The following PKHD1 variants were observed in gnomAD, a reference collection of about 807,000 sequenced individuals.
PKHD1 encodes the protein PKHD1 ciliary IPT domain containing fibrocystin/polyductin.
A neutral mutation model predicts 412.0 loss-of-function variants in PKHD1; 291 were observed. That is an observed-to-expected ratio of 0.71 (90% CI 0.64 to 0.78). The LOEUF (loss-of-function observed/expected upper bound fraction) is 0.78, where lower values mean the gene tolerates loss of function less well. Ranked by LOEUF, PKHD1 falls within the 30% of genes least tolerant of loss-of-function variation. The pLI is 0.00. For synonymous variants in PKHD1, 1,777 were observed against 1,821.5 expected (o/e 0.98, Z 0.62); for missense variants, 4,825 against 4,950.7 (o/e 0.97, Z 0.76).
chr6:51,655,003 A>T (rs1771581597), intron 61 of PKHD1, among the ~76,000 whole-genome samples: 1 of 152,118 alleles, frequency 6.6e-6, no homozygotes, highest in Non-Finnish European at 1.5e-5. Flanking sequence ...AGAACATCTC[A>T]CTTTCCCACA....
intron 31 of PKHD1, among the ~76,000 whole-genome samples, chr6:52,027,532 C>CAAAAAAA (rs1229066296): frequency 1.2e-5 from 1 of 83,724 alleles, no homozygotes; most frequent in African/African-American, 5.5e-5. Context: ...AACTCCGTCT[C>CAAAAAAA]AAAAAAAAAA....
At chr6:51,747,548 A>T (rs1785363645) in intron 58 of PKHD1, among the ~76,000 whole-genome samples, 1 of 152,128 alleles carries the variant, frequency 6.6e-6, no homozygotes, top group African/African-American at 2.4e-5. Context: ...CATTATATTC[A>T]AATTTTTTAA....
chr6:51,631,693 G>C (rs2150299577), intron 65 of PKHD1, among the ~76,000 whole-genome samples: 1 of 152,090 alleles, frequency 6.6e-6, no homozygotes, highest in Non-Finnish European at 1.5e-5. Context: ...GCCAATGCCT[G>C]ATCTGCTCAC....
At position 52,010,290 on chromosome 6, in the gene PKHD1, A is replaced by G. The variant is rs758902510; in HGVS notation, c.5751+19T>C. The G allele has an allele frequency of 1.6e-5, 25 of 1,609,374 alleles. No individual in the cohort carries two copies. The highest frequency in any genetic ancestry group is 2.0e-5 in the Non-Finnish European group (24 of 1,175,908). ...ATTTGAGCTGTTTGAATCAGTCTGT[A>G]AAAAAGATTTGATTATACCTGAGTG... is the stretch of plus-strand genomic sequence containing the variant. On this transcript the variant is annotated intron_variant, in intron 35 of 66. Transcript: ENST00000371117.
intron 52 of PKHD1, among the ~76,000 whole-genome samples, chr6:51,826,338 G>A (rs1767317118): frequency 6.6e-6 from 1 of 152,122 alleles, no homozygotes; most frequent in South Asian, 2.1e-4. Flanking sequence ...ACAGTTCAAA[G>A]TAATATACAA....
At chr6:51,849,617 G>A (rs1771838086) in intron 49 of PKHD1, among the ~76,000 whole-genome samples, 1 of 152,116 alleles carries the variant, frequency 6.6e-6, no homozygotes, top group African/African-American at 2.4e-5. Flanking sequence ...TCTCATAGCG[G>A]TTTTGATGTG....
rs779757789 is a variant in PKHD1, at chr6:51,867,961, G to C, written c.7635C>G (p.Thr2545=). The stretch of plus-strand genomic sequence containing the variant: ...AATTGACCAAACAAGAAGCTGAAAG[G>C]GTTTCCATAGAAGCAAGAATGTGAC... ...NRSHILASME[T]LSASCLVNSS... The change falls in exon 48 of 67, where the codon ACC becomes ACG. Residue 2545 remains threonine, a synonymous_variant. Transcript: ENST00000371117. 18 of 1,613,220 alleles carry C rather than the reference G, an allele frequency of 1.1e-5. No individual in the cohort carries two copies. The highest frequency in any genetic ancestry group is 1.7e-5 in the Admixed American group (1 of 59,932).
intron 60 of PKHD1, among the ~76,000 whole-genome samples, chr6:51,662,133 A>G (rs9381995): frequency 0.13 from 19,826 of 151,946 alleles, 1,310 homozygotes; most frequent in East Asian, 0.27. Flanking sequence ...TGGGGAATGA[A>G]GTTAAAACAG....
At chr6:51,860,665 A>G (rs191302173) in intron 48 of PKHD1, among the ~76,000 whole-genome samples, 72 of 152,308 alleles carry the variant, frequency 4.7e-4, no homozygotes, top group African/African-American at 1.7e-3. Flanking sequence ...CAACCAGTCC[A>G]TTTTAAATGT....
At position 51,911,668 on chromosome 6, in the gene PKHD1, A is replaced by T. The variant is rs1009331451; in HGVS notation, c.6490+131T>A. 220 of 781,508 alleles carry T rather than the reference A, an allele frequency of 2.8e-4. No individual in the cohort carries two copies. The Admixed American group carries it at 4.1e-3, about 15-fold the overall frequency. 48.4% of individuals were successfully genotyped at this position (781,508 alleles called of 1,614,324 possible). A position where few individuals can be genotyped will look rare whatever the true frequency, so the allele number is the denominator to read the frequency against. On this transcript the variant is annotated intron_variant, in intron 39 of 66. Coordinates refer to ENST00000371117, the MANE Select transcript of PKHD1 (RefSeq NM_138694.4). Reference sequence around the variant, plus strand: ...CAAGAGCATTCTGAAAACTACAGAAAAGTATGGGCATCCAAAGTTTAAGGG... The same window carrying T: ...CAAGAGCATTCTGAAAACTACAGAATAGTATGGGCATCCAAAGTTTAAGGG...
At chr6:51,841,127 T>A (rs1770111556) in intron 50 of PKHD1, among the ~76,000 whole-genome samples, 2 of 152,200 alleles carry the variant, frequency 1.3e-5, no homozygotes, top group Non-Finnish European at 2.9e-5. Flanking sequence ...TAAGTATTGT[T>A]TTTTCTTATA....
chr6:51,631,157 G>A (rs1401070329), intron 65 of PKHD1, among the ~76,000 whole-genome samples: 1 of 152,102 alleles, frequency 6.6e-6, no homozygotes, highest in Admixed American at 6.6e-5. Context: ...AATGGAAGAT[G>A]AGAATCAAAT....
At chr6:52,049,636 T>C (rs1033142001) in intron 22 of PKHD1, among the ~76,000 whole-genome samples, 2 of 152,218 alleles carry the variant, frequency 1.3e-5, no homozygotes, top group Admixed American at 6.5e-5. Context: ...TTGTAAACTG[T>C]GGCTAGAAAT....
chr6:51,908,058 G>T (rs917580526), intron 40 of PKHD1, among the ~76,000 whole-genome samples: 1 of 151,920 alleles, frequency 6.6e-6, no homozygotes, highest in African/African-American at 2.4e-5. Flanking sequence ...TGAATTGGCC[G>T]CATGTCAAAT....
Position 51,619,511 on chromosome 6 carries a change from A to C in PKHD1, c.11795T>G (p.Met3932Arg). The change falls in exon 67 of 67, where the codon ATG (methionine) becomes AGG (arginine). Residue 3932 changes from methionine to arginine, a missense_variant. Coordinates refer to ENST00000371117, the MANE Select transcript of PKHD1 (RefSeq NM_138694.4). ...EDTVVGEDMRMKVMLGKVNQC... is the reference protein window; with the variant it reads ...EDTVVGEDMRRKVMLGKVNQC... ...GTTCACCTTGCCCAGCATGACCTTC[A>C]TTCTCATATCTGGGGGGAAAAGAAA... The C allele has an allele frequency of 6.2e-7, 1 of 1,613,852 alleles. No homozygotes were observed. The highest frequency in any genetic ancestry group is 8.5e-7 in the Non-Finnish European group (1 of 1,179,726).
At chr6:52,007,267 C>T (rs1354137983) in intron 35 of PKHD1, among the ~76,000 whole-genome samples, 1 of 152,194 alleles carries the variant, frequency 6.6e-6, no homozygotes, top group Non-Finnish European at 1.5e-5. Context: ...AATCTCCACA[C>T]TGTTATCCAT....
chr6:51,791,205 A>G, intron 53 of PKHD1, 31 bp downstream of exon 53: 1 of 1,608,762 alleles, frequency 6.2e-7, no homozygotes, highest in Non-Finnish European at 8.5e-7. Flanking sequence ...ATAATTCTCA[A>G]CATGCTCGCA....
intron 19 of PKHD1, among the ~76,000 whole-genome samples, chr6:52,054,982 G>A (rs1807482286): frequency 6.6e-6 from 1 of 152,150 alleles, no homozygotes; most frequent in Non-Finnish European, 1.5e-5. Flanking sequence ...GTTCCCAAAG[G>A]GCAAATCAGC....
At chr6:52,065,453 T>A (rs572778013) in intron 12 of PKHD1, among the ~76,000 whole-genome samples, 14 of 152,022 alleles carry the variant, frequency 9.2e-5, no homozygotes, top group Non-Finnish European at 1.5e-4. Flanking sequence ...AAGTGTGACA[T>A]GACAGTGTGA....
Sources: gnomAD v4.1 joint callset for allele counts (sites outside exome capture counted in the v4.1 genomes callset) on GRCh38, gnomAD v4.1.1 for gene constraint, MANE v1.5 for transcripts, NCBI Gene and HGNC (gene_info 2026-07-23, HGNC 2026-07-21) for gene names.